The following DYNC1I2 variants were observed in gnomAD, a reference collection of about 807,000 sequenced individuals.
The protein encoded by DYNC1I2 is dynein cytoplasmic 1 intermediate chain 2.
A neutral mutation model predicts 88.6 loss-of-function variants in DYNC1I2; 53 were observed. The ratio of observed to expected loss-of-function variants is 0.60; its 90% CI spans 0.48 to 0.75. DYNC1I2 has a LOEUF of 0.75. Ranked by LOEUF, DYNC1I2 falls within the 30% of genes least tolerant of loss-of-function variation. The probability of loss-of-function intolerance (pLI) is 0.00; values close to 1 mark genes in which losing one functional copy is unlikely to be tolerated. For missense variants in DYNC1I2, 458 were observed against 766.6 expected (o/e 0.60, Z 4.75); for synonymous variants, 198 against 254.6 (o/e 0.78, Z 2.12).
intron 7 of DYNC1I2, among the ~76,000 whole-genome samples, chr2:171,716,229 T>C (rs1003582585): frequency 2.6e-5 from 4 of 152,076 alleles, no homozygotes; most frequent in African/African-American, 9.7e-5. Context: ...AGTAATAAAA[T>C]ATATGTATTA....
chr2:171,710,120 TATACACAC>T (rs1221070495), intron 5 of DYNC1I2, among the ~76,000 whole-genome samples: 101 of 95,770 alleles, frequency 1.1e-3, no homozygotes, highest in African/African-American at 3.0e-3. Context: ...TTTATGTATA[TATACACAC>T]ACACACACAC....
At chr2:171,723,216 A>C (rs202175364) in intron 7 of DYNC1I2, among the ~76,000 whole-genome samples, 1 of 152,148 alleles carries the variant, frequency 6.6e-6, no homozygotes, top group African/African-American at 2.4e-5. Flanking sequence ...ATAATACAAC[A>C]AAGTTGAAGG....
In DYNC1I2 at chr2:171,728,941, G is replaced by T. The variant is rs1025986475; in HGVS notation, c.1391+91G>T. The T allele has an allele frequency of 1.3e-5, 18 of 1,336,616 alleles. No homozygotes were observed. In the African/African-American group the frequency reaches 2.8e-4, roughly 20 times the overall value. 82.8% of individuals were successfully genotyped at this position (1,336,616 alleles called of 1,614,324 possible). ...CTTATTTAAGTAGAAATCTGTCGTA[G>T]ATCTACTTGTTATTTGTGACAGATT... On this transcript the variant is annotated intron_variant, in intron 14 of 17. Coordinates refer to ENST00000397119, the MANE Select transcript of DYNC1I2 (RefSeq NM_001378.3).
At chr2:171,738,924 G>A (rs1336090328) in intron 15 of DYNC1I2, among the ~76,000 whole-genome samples, 1 of 152,080 alleles carries the variant, frequency 6.6e-6, no homozygotes, top group African/African-American at 2.4e-5. Flanking sequence ...CAAGGCAGGT[G>A]GATCACCGGA....
At chr2:171,700,361 A>G (rs186375699) in intron 3 of DYNC1I2, among the ~76,000 whole-genome samples, 25 of 152,322 alleles carry the variant, frequency 1.6e-4, no homozygotes, top group Admixed American at 5.9e-4. Context: ...CCTCTGCCAC[A>G]TTCTGTCCAT....
chr2:171,693,009 T>C, intron 3 of DYNC1I2, 115 bp downstream of exon 3: 2 of 774,678 alleles, frequency 2.6e-6, no homozygotes, highest in Admixed American at 2.5e-5. Context: ...GTCTCTAAAA[T>C]TATTAATCTT....
At chr2:171,721,121 TAAAAAAAAA>T (rs1170082849) in intron 7 of DYNC1I2, among the ~76,000 whole-genome samples, 142 of 60,792 alleles carry the variant, frequency 2.3e-3, no homozygotes, top group African/African-American at 7.2e-3. Context: ...CCCCATCTCT[TAAAAAAAAA>T]AAAAAAAAAA....
intron 16 of DYNC1I2, among the ~76,000 whole-genome samples, chr2:171,745,032 A>G (rs1231193285): frequency 1.3e-5 from 2 of 152,204 alleles, no homozygotes; most frequent in African/African-American, 4.8e-5. Context: ...ATTTCTTTAT[A>G]ACAATTTTGG....
chr2:171,731,585 T>C (rs536507613), intron 15 of DYNC1I2, among the ~76,000 whole-genome samples: 2 of 152,152 alleles, frequency 1.3e-5, no homozygotes, highest in South Asian at 4.2e-4. Context: ...AGACCCCATG[T>C]TTACAAAAAA....
intron 2 of DYNC1I2, 25 bp downstream of exon 2, chr2:171,690,288 T>C (rs1255409269): frequency 8.9e-6 from 13 of 1,468,132 alleles, no homozygotes; most frequent in Non-Finnish European, 1.2e-5. Flanking sequence ...TTTGCTTAAA[T>C]AAACAACATA....
At chr2:171,693,325 A>G (rs549944841) in intron 3 of DYNC1I2, among the ~76,000 whole-genome samples, 1 of 152,330 alleles carries the variant, frequency 6.6e-6, no homozygotes, top group South Asian at 2.1e-4. Flanking sequence ...GAGTGGAAGG[A>G]TAAGCTTATA....
intron 3 of DYNC1I2, among the ~76,000 whole-genome samples, chr2:171,700,271 A>G (rs1686147340): frequency 6.6e-6 from 1 of 152,208 alleles, no homozygotes; most frequent in South Asian, 2.1e-4. Context: ...GTTCTCCCAG[A>G]GTGAGCAATC....
chr2:171,704,380 A>G (rs1686512312), intron 3 of DYNC1I2, among the ~76,000 whole-genome samples: 1 of 151,282 alleles, frequency 6.6e-6, no homozygotes, highest in African/African-American at 2.4e-5. Flanking sequence ...TTGTCAAAGA[A>G]GAGAATAGGT....
In DYNC1I2 at chr2:171,715,355, T is replaced by C. The variant is rs1687413796; in HGVS notation, c.423T>C (p.Ala141=). 3 of 1,563,848 alleles carry C rather than the reference T, an allele frequency of 1.9e-6. No individual in the cohort carries two copies. The highest frequency in any genetic ancestry group is 2.6e-6 in the Non-Finnish European group (3 of 1,152,896). Residue 141 remains alanine, a synonymous_variant, in exon 7 of 18, where the codon GCT becomes GCC. Transcript: ENST00000397119. ...LGRGPIKLGM[A]KITQVDFPPR... ...GAGGACCTATTAAACTTGGAATGGCTAAAATCACGCAAGTCGACTTTCCTC... is the reference window on the plus strand; with the variant it reads ...GAGGACCTATTAAACTTGGAATGGCCAAAATCACGCAAGTCGACTTTCCTC...
At chr2:171,707,928 T>C (rs12997093) in intron 5 of DYNC1I2, among the ~76,000 whole-genome samples, 71,682 of 152,020 alleles carry the variant, frequency 0.47, 19,138 homozygotes, top group East Asian at 0.69. Context: ...TGCATCTTCC[T>C]TGTAAAATTA....
chr2:171,729,919 C>A, intron 15 of DYNC1I2, 66 bp downstream of exon 15: 5 of 1,547,468 alleles, frequency 3.2e-6, no homozygotes, highest in Non-Finnish European at 4.4e-6. Context: ...TCTAATACTA[C>A]ATAGGAATGA....
At chr2:171,699,224 T>C (rs1321404258) in intron 3 of DYNC1I2, among the ~76,000 whole-genome samples, 2 of 151,226 alleles carry the variant, frequency 1.3e-5, no homozygotes, top group African/African-American at 4.9e-5. Context: ...GGAGAATCGC[T>C]TGAACTCGGG....
chr2:171,716,987 C>T (rs1258912426), intron 7 of DYNC1I2, among the ~76,000 whole-genome samples: 1 of 152,050 alleles, frequency 6.6e-6, no homozygotes, highest in Non-Finnish European at 1.5e-5. Context: ...CTTTTAACTA[C>T]TCTCCTTTTG....
chr2:171,720,509 A>G (rs1258827298), intron 7 of DYNC1I2, among the ~76,000 whole-genome samples: 1 of 152,150 alleles, frequency 6.6e-6, no homozygotes, highest in Admixed American at 6.5e-5. Context: ...GAGGTGGGGC[A>G]GATCACCAGA....
Sources: allele counts gnomAD v4.1 joint callset (sites outside exome capture counted in the v4.1 genomes callset), GRCh38; gene constraint gnomAD v4.1.1; transcripts MANE v1.5; gene names NCBI Gene and HGNC (gene_info 2026-07-23, HGNC 2026-07-21).